Variants in ACSL3 observed in about 807,000 individuals in gnomAD.
ACSL3 encodes fatty acid CoA ligase Acsl3.
A neutral mutation model predicts 84.7 loss-of-function variants in ACSL3; 34 were observed. That is an observed-to-expected ratio of 0.40 (90% confidence interval 0.31 to 0.53). The LOEUF (loss-of-function observed/expected upper bound fraction) is 0.53. ACSL3 is among the 20% of genes least tolerant of loss of function. The pLI is 0.48. For missense variants in ACSL3, 680 were observed against 873.1 expected (o/e 0.78, Z 2.79); for synonymous variants, 315 against 299.4 (o/e 1.05, Z -0.54).
chr2:222,890,320 G>A (rs115365997), intron 2 of ACSL3, among the ~76,000 whole-genome samples: 10 of 152,086 alleles, frequency 6.6e-5, no homozygotes, highest in Non-Finnish European at 1.2e-4. Context: ...TATATAAATC[G>A]TTGAAATTAA....
Position 222,943,033 on chromosome 2 carries a change from G to C in ACSL3, c.*1379G>C, listed in dbSNP as rs1471305204. ...CATAGGCACCACATTTTTCATGTCA[G>C]ACTAGTTACTTTGTTGATTCTCAGT... On this transcript the variant is annotated 3_prime_UTR_variant, in exon 17 of 17. Transcript: ENST00000357430. 1 of 217,982 alleles carries C rather than the reference G, an allele frequency of 4.6e-6. No individual in the cohort carries two copies. Among genetic ancestry groups the C allele is most frequent in the East Asian group, 6.6e-5 (1 of 15,066 alleles). The allele number at this position is 217,982 out of a possible 1,614,324, so 13.5% of individuals were successfully genotyped here.
chr2:222,883,610 A>G (rs2106096214), intron 1 of ACSL3, among the ~76,000 whole-genome samples: 1 of 152,250 alleles, frequency 6.6e-6, no homozygotes. Flanking sequence ...CAAACTGAAG[A>G]CTAGTATTTA....
intron 3 of ACSL3, among the ~76,000 whole-genome samples, chr2:222,903,692 A>G (rs1326404480): frequency 6.6e-6 from 1 of 152,246 alleles, no homozygotes; most frequent in Non-Finnish European, 1.5e-5. Context: ...ATTCTCTGAA[A>G]TAGTCTTCCA....
At chr2:222,912,631 C>A (rs1023972455) in intron 4 of ACSL3, among the ~76,000 whole-genome samples, 3 of 152,154 alleles carry the variant, frequency 2.0e-5, no homozygotes, top group African/African-American at 7.2e-5. Flanking sequence ...AGCCTTATTT[C>A]AAATTAATGA....
rs540598533 is a variant in ACSL3, at chr2:222,928,653, A to T, written c.1466-209A>T. ...TTTTAAGAATGACAATAACTAATTT[A>T]AAAAAAAAAAAAAAACCTCAATGTA... On this transcript the variant is annotated intron_variant, in intron 12 of 16. Coordinates refer to ENST00000357430, the MANE Select transcript of ACSL3 (RefSeq NM_004457.5). 5.5e-4 allele frequency among the ~76,000 whole-genome samples: 62 copies of T among 111,834 alleles called. No individual in the cohort carries two copies. In the South Asian group the frequency reaches 9.8e-3, roughly 18 times the overall value. 73.4% of individuals were successfully genotyped at this position (111,834 alleles called of 152,430 possible). A position where few individuals can be genotyped will look rare whatever the true frequency, so the allele number is the denominator to read the frequency against.
intron 1 of ACSL3, among the ~76,000 whole-genome samples, chr2:222,873,449 C>T (rs965186282): frequency 1.3e-5 from 2 of 152,146 alleles, no homozygotes; most frequent in African/African-American, 4.8e-5. Flanking sequence ...CATGTCAATA[C>T]TGTTGCTATA....
At chr2:222,916,655 A>C (rs1205782425) in intron 5 of ACSL3, 159 bp downstream of exon 5, 3 of 746,066 alleles carry the variant, frequency 4.0e-6, no homozygotes, top group Non-Finnish European at 6.0e-6. Context: ...ATTTTGGAAA[A>C]TAAATCAATT....
chr2:222,915,129 A>T (rs987009014), intron 4 of ACSL3, among the ~76,000 whole-genome samples: 43 of 152,322 alleles, frequency 2.8e-4, no homozygotes, highest in African/African-American at 9.1e-4. Flanking sequence ...ATTATAATCC[A>T]GTTCCTGCAC....
chr2:222,867,181 C>A (rs1695172911), intron 1 of ACSL3, among the ~76,000 whole-genome samples: 1 of 152,128 alleles, frequency 6.6e-6, no homozygotes, highest in Non-Finnish European at 1.5e-5. Flanking sequence ...ATGCTTTCCC[C>A]TTTAACCTTA....
At chr2:222,865,013 A>T (rs192977814) in intron 1 of ACSL3, among the ~76,000 whole-genome samples, 1 of 152,230 alleles carries the variant, frequency 6.6e-6, no homozygotes, top group African/African-American at 2.4e-5. Flanking sequence ...AATGTGGCTC[A>T]GTCTTAATTT....
chr2:222,903,305 C>T (rs1049502657), intron 3 of ACSL3, among the ~76,000 whole-genome samples: 1 of 152,152 alleles, frequency 6.6e-6, no homozygotes, highest in African/African-American at 2.4e-5. Context: ...CCATACCTGG[C>T]TAACTTTTGT....
At chr2:222,924,878 T>C (rs1478449266) in intron 11 of ACSL3, among the ~76,000 whole-genome samples, 1 of 151,430 alleles carries the variant, frequency 6.6e-6, no homozygotes, top group Non-Finnish European at 1.5e-5. Context: ...AAAAAGAAAT[T>C]AGCGGGGCTT....
At chr2:222,865,247 T>A (rs1014715505) in intron 1 of ACSL3, among the ~76,000 whole-genome samples, 1 of 152,232 alleles carries the variant, frequency 6.6e-6, no homozygotes, top group African/African-American at 2.4e-5. Flanking sequence ...TGGAATATGT[T>A]TATTTACGTA....
chr2:222,905,797 T>C (rs1696277165), intron 3 of ACSL3, among the ~76,000 whole-genome samples: 1 of 152,164 alleles, frequency 6.6e-6, no homozygotes, highest in African/African-American at 2.4e-5. Flanking sequence ...ATGAGCAAAT[T>C]TGGAGGTGTT....
chr2:222,941,917 A>G lies in ACSL3; in HGVS notation c.*263A>G. 3.1e-6 allele frequency: 1 copy of G among 323,532 alleles called. No homozygotes were observed. The allele number at this position is 323,532 out of a possible 1,614,324, so 20.0% of individuals were successfully genotyped here. A position where few individuals can be genotyped will look rare whatever the true frequency, so the allele number is the denominator to read the frequency against. On this transcript the variant is annotated 3_prime_UTR_variant, in exon 17 of 17. Transcript: ENST00000357430. ...CAGTATGAGAATTTTTCTGAATCATATTGGGGAAGCAGTGATTTTAAAACC... is the reference window on the plus strand; with the variant it reads ...CAGTATGAGAATTTTTCTGAATCATGTTGGGGAAGCAGTGATTTTAAAACC...
chr2:222,930,605 A>C lies in ACSL3; in HGVS notation c.1541-16A>C, dbSNP rs1238373525. 4 of 1,562,970 alleles carry C rather than the reference A, an allele frequency of 2.6e-6. No individual in the cohort carries two copies. Among genetic ancestry groups the C allele is most frequent in the Admixed American group, 3.9e-5 (2 of 51,760 alleles). On this transcript the variant is annotated splice_polypyrimidine_tract_variant and intron_variant, in intron 13 of 16. Transcript: ENST00000357430. ...TGTATTTAACTCAACTATTAACTCA[A>C]TTATTATTTTATTAGGTGGATACTT...
chr2:222,885,542 T>C (rs1206047825), intron 1 of ACSL3, among the ~76,000 whole-genome samples: 3 of 152,236 alleles, frequency 2.0e-5, no homozygotes, highest in Non-Finnish European at 4.4e-5. Flanking sequence ...TTTTTATTTA[T>C]AGAAATTCTA....
At chr2:222,898,589 C>T (rs182371921) in intron 2 of ACSL3, among the ~76,000 whole-genome samples, 7 of 152,290 alleles carry the variant, frequency 4.6e-5, no homozygotes, top group Non-Finnish European at 1.0e-4. Flanking sequence ...CTTTGGGAGG[C>T]CGAGGCGGGC....
intron 2 of ACSL3, among the ~76,000 whole-genome samples, chr2:222,892,215 G>C (rs1359973859): frequency 6.6e-6 from 1 of 152,152 alleles, no homozygotes; most frequent in Non-Finnish European, 1.5e-5. Context: ...AAGTTAGTCT[G>C]TGTGTTGTTG....
Sources: gnomAD v4.1 joint callset for allele counts (sites outside exome capture counted in the v4.1 genomes callset) on GRCh38, gnomAD v4.1.1 for gene constraint, MANE v1.5 for transcripts, NCBI Gene and HGNC (gene_info 2026-07-23, HGNC 2026-07-21) for gene names.